RFPL1: variants seen among roughly 807,000 people sequenced by gnomAD.
The protein encoded by RFPL1 is ret finger protein like 1.
Under a neutral mutation model 9.6 loss-of-function variants are expected in RFPL1, and 6 were observed. The ratio of observed to expected loss-of-function variants is 0.62; its 90% CI spans 0.34 to 1.23. The LOEUF (loss-of-function observed/expected upper bound fraction) is 1.23. Ranked by LOEUF, RFPL1 falls within the 50% of genes most tolerant of loss-of-function variation. The pLI, the probability that RFPL1 is intolerant of heterozygous loss-of-function variation, is 0.03. For synonymous variants in RFPL1, 145 were observed against 149.4 expected (o/e 0.97, Z 0.22); for missense variants, 352 against 398.4 (o/e 0.88, Z 0.99).
At chr22:29,403,269 GA>G in the RFPL1 span, among the ~76,000 whole-genome samples, 51,381 of 147,040 alleles carry the variant, frequency 0.35, 10,150 homozygotes, top group African/African-American at 0.55. Flanking sequence ...TGGAATTCCT[GA>G]AATGGGAACA....
At chr22:29,401,054 C>T in the RFPL1 span, among the ~76,000 whole-genome samples, 1 of 152,186 alleles carries the variant, frequency 6.6e-6, no homozygotes, top group Admixed American at 6.5e-5. Context: ...TTCCCTATTC[C>T]CCAAGCCTCC....
chr22:29,406,620 C>T, the RFPL1 span, among the ~76,000 whole-genome samples: 12 of 152,238 alleles, frequency 7.9e-5, no homozygotes, highest in Non-Finnish European at 1.3e-4. Context: ...GCAAAATCTT[C>T]CTAGAACCCA....
At chr22:29,429,377 T>C in the RFPL1 span, among the ~76,000 whole-genome samples, 983 of 151,926 alleles carry the variant, frequency 6.5e-3, 10 homozygotes, top group Non-Finnish European at 0.012. Context: ...TTTGAAAAGA[T>C]TAACAAAATT....
At chr22:29,409,631 C>T in the RFPL1 span, among the ~76,000 whole-genome samples, 11 of 152,096 alleles carry the variant, frequency 7.2e-5, no homozygotes, top group South Asian at 4.1e-4. Flanking sequence ...CTCATGACAC[C>T]GGAGATGGTA....
At chr22:29,423,091 C>T in the RFPL1 span, 8 of 1,333,036 alleles carry the variant, frequency 6.0e-6, no homozygotes, top group South Asian at 1.2e-5. Flanking sequence ...GAAGAGAAAG[C>T]GTAGGACAAG....
At chr22:29,404,145 A>G in the RFPL1 span, among the ~76,000 whole-genome samples, 1 of 151,896 alleles carries the variant, frequency 6.6e-6, no homozygotes, top group Non-Finnish European at 1.5e-5. Flanking sequence ...ACAGAAAAGC[A>G]AAAAGGGAGA....
At chr22:29,396,542 C>G in the RFPL1 span, among the ~76,000 whole-genome samples, 3 of 152,206 alleles carry the variant, frequency 2.0e-5, no homozygotes, top group East Asian at 5.8e-4. Flanking sequence ...TGCCTTCTTG[C>G]AAGGTTGCTG....
chr22:29,413,841 C>T, the RFPL1 span, among the ~76,000 whole-genome samples: 1 of 152,158 alleles, frequency 6.6e-6, no homozygotes, highest in East Asian at 1.9e-4. Flanking sequence ...CCAATGTTTA[C>T]ACACAGAATT....
chr22:29,421,677 G>A, the RFPL1 span, among the ~76,000 whole-genome samples: 282 of 150,958 alleles, frequency 1.9e-3, no homozygotes, highest in African/African-American at 6.2e-3. Context: ...CACCCTCCTC[G>A]GTAGCTCATG....
At chr22:29,441,876 C>G in exon 2 of RFPL1, 1 of 1,613,642 alleles carries the variant, frequency 6.2e-7, no homozygotes. Context: ...TGACTTTCCT[C>G]TTCGTAGACC....
At chr22:29,441,717 G>A (rs779997850) in exon 2 of RFPL1, 2 of 1,613,942 alleles carry the variant, frequency 1.2e-6, no homozygotes, top group Non-Finnish European at 1.7e-6. Flanking sequence ...ACTACTGGGA[G>A]GTGGACGTGG....
At chr22:29,419,812 AAAAAG>A in the RFPL1 span, among the ~76,000 whole-genome samples, 4 of 151,808 alleles carry the variant, frequency 2.6e-5, no homozygotes, top group African/African-American at 7.3e-5. Flanking sequence ...AAAAAAAAAA[AAAAAG>A]AAAAGAAAAA....
chr22:29,425,864 T>G, the RFPL1 span, among the ~76,000 whole-genome samples: 1 of 150,384 alleles, frequency 6.6e-6, no homozygotes, highest in South Asian at 2.1e-4. Flanking sequence ...CTGCACCCCA[T>G]CCTGGGCCAC....
intron 1 of RFPL1, chr22:29,439,559 G>A (rs529138628): frequency 5.7e-5 from 11 of 192,516 alleles, no homozygotes; most frequent in African/African-American, 1.6e-4. Context: ...GTTAACCTGG[G>A]GGGGGCGGAG....
At chr22:29,418,496 CT>C in the RFPL1 span, among the ~76,000 whole-genome samples, 3,972 of 124,434 alleles carry the variant, frequency 0.032, 28 homozygotes, top group South Asian at 0.079. Flanking sequence ...TCTTCGTCTT[CT>C]TTTTTTTTTT....
At chr22:29,435,374 T>C (rs555735842), upstream of RFPL1, among the ~76,000 whole-genome samples, 1 of 152,346 alleles carries the variant, frequency 6.6e-6, no homozygotes, top group East Asian at 1.9e-4. Flanking sequence ...GAAAGGATCA[T>C]CTTGTGAATT....
chr22:29,398,287 G>A, the RFPL1 span, among the ~76,000 whole-genome samples: 1 of 152,322 alleles, frequency 6.6e-6, no homozygotes, highest in Non-Finnish European at 1.5e-5. Context: ...GGACTGGACT[G>A]GATGATCACT....
the RFPL1 span, among the ~76,000 whole-genome samples, chr22:29,429,072 T>C: frequency 6.6e-6 from 1 of 152,162 alleles, no homozygotes; most frequent in Non-Finnish European, 1.5e-5. Context: ...ATTTTTTTGT[T>C]TTAGATAGGG....
the RFPL1 span, among the ~76,000 whole-genome samples, chr22:29,422,724 CAA>C: frequency 6.6e-6 from 1 of 151,890 alleles, no homozygotes; most frequent in Non-Finnish European, 1.5e-5. Flanking sequence ...GCTTGGGCGA[CAA>C]GAGTGAAACT....
Sources: allele counts gnomAD v4.1 joint callset (sites outside exome capture counted in the v4.1 genomes callset), GRCh38; gene constraint gnomAD v4.1.1; transcripts MANE v1.5; gene names NCBI Gene and HGNC (gene_info 2026-07-23, HGNC 2026-07-21).